The following ZNF236 variants were observed in gnomAD, a reference collection of about 807,000 sequenced individuals.
The protein encoded by ZNF236 is regulated by glucose.
ZNF236 carries 50 observed loss-of-function variants against 191.2 expected under a neutral mutation model. That is an observed-to-expected ratio of 0.26 (90% CI 0.21 to 0.33). ZNF236 has a LOEUF of 0.33. ZNF236 is among the 10% of genes least tolerant of loss of function. The probability of loss-of-function intolerance (pLI) is 1.00; values close to 1 mark genes in which losing one functional copy is unlikely to be tolerated. For synonymous variants in ZNF236, 907 were observed against 928.8 expected (o/e 0.98, Z 0.43); for missense variants, 1,754 against 2,374.5 (o/e 0.74, Z 5.43).
intron 9 of ZNF236, among the ~76,000 whole-genome samples, chr18:76,892,235 C>G (rs1977268936): frequency 1.6e-5 from 1 of 63,526 alleles, no homozygotes; most frequent in African/African-American, 6.1e-5. Context: ...ACTTGGGTAT[C>G]TTTCTGAGTT....
At chr18:76,918,820 G>T (rs1048003538) in intron 19 of ZNF236, among the ~76,000 whole-genome samples, 1 of 152,124 alleles carries the variant, frequency 6.6e-6, no homozygotes, top group Non-Finnish European at 1.5e-5. Flanking sequence ...TTCCCAAAGC[G>T]GTGGGATTAC....
In ZNF236 at chr18:76,934,393, C is replaced by T. The variant is rs541529734; in HGVS notation, c.4595-2763C>T. On this transcript the variant is annotated intron_variant, in intron 25 of 30. Transcript: ENST00000320610. ...TGTAAGTACTGTCTCAGAAGCAGAT[C>T]GTAGTCTTGATAGAGGCTTGAGAAA... Among the ~76,000 whole-genome samples, 26 of 152,292 alleles carry T rather than the reference C, an allele frequency of 1.7e-4. No homozygotes were observed. The South Asian group carries it at 3.7e-3, about 22-fold the overall frequency.
intron 26 of ZNF236, among the ~76,000 whole-genome samples, chr18:76,938,961 C>G (rs531547342): frequency 1.3e-5 from 2 of 152,180 alleles, no homozygotes; most frequent in Non-Finnish European, 2.9e-5. Flanking sequence ...CCTGCCCTTA[C>G]GCACCATCAA....
chr18:76,939,972 G>A (rs1396026098), intron 26 of ZNF236, among the ~76,000 whole-genome samples: 4 of 145,808 alleles, frequency 2.7e-5, no homozygotes, highest in Non-Finnish European at 6.0e-5. Context: ...CCCTAGCACT[G>A]CATTTGGGAA....
At chr18:76,945,039 A>G (rs1968223407) in intron 26 of ZNF236, among the ~76,000 whole-genome samples, 1 of 144,122 alleles carries the variant, frequency 6.9e-6, no homozygotes, top group South Asian at 2.2e-4. Flanking sequence ...GAATATTTCC[A>G]TCATCTCAAG....
chr18:76,924,290 C>A (rs769654357), intron 21 of ZNF236, among the ~76,000 whole-genome samples: 2 of 152,224 alleles, frequency 1.3e-5, no homozygotes, highest in African/African-American at 4.8e-5. Flanking sequence ...GTGACGTCCA[C>A]GATGACTTGG....
intron 1 of ZNF236, among the ~76,000 whole-genome samples, chr18:76,829,883 C>G (rs1049569181): frequency 6.6e-6 from 1 of 151,974 alleles, no homozygotes; most frequent in African/African-American, 2.4e-5. Flanking sequence ...TTTGCTTTTT[C>G]TTTTTTGAGA....
chr18:76,955,160 C>T (rs1410026828), intron 27 of ZNF236, among the ~76,000 whole-genome samples: 1 of 152,148 alleles, frequency 6.6e-6, no homozygotes, highest in Non-Finnish European at 1.5e-5. Context: ...GTAATCCCAG[C>T]ACTTGGGAGA....
chr18:76,938,119 G>T (rs984846161), intron 26 of ZNF236, among the ~76,000 whole-genome samples: 2 of 152,208 alleles, frequency 1.3e-5, no homozygotes. Flanking sequence ...CTGGACACAG[G>T]TGGCTCCTGC....
Position 76,875,664 on chromosome 18 carries a change from G to A in ZNF236, c.840G>A (p.Glu280=). Residue 280 remains glutamate, a splice_region_variant and synonymous_variant, in exon 6 of 31, where the codon GAG becomes GAA. Transcript: ENST00000320610. The surrounding 1 kb of genome is among the most constrained non-coding windows in gnomAD (Gnocchi z 4.3). ...LQSHVQRVHS[E]VKNGPTYNCT... ...CGCACGTGCAGCGAGTCCACTCAGA[G>A]GTAAACACGGGTTGGGGGCATAAGC... The A allele has an allele frequency of 6.4e-7, 1 of 1,562,858 alleles. No homozygotes were observed. The highest frequency in any genetic ancestry group is 8.7e-7 in the Non-Finnish European group (1 of 1,149,008).
intron 27 of ZNF236, among the ~76,000 whole-genome samples, chr18:76,950,772 A>C (rs1968386661): frequency 6.6e-6 from 1 of 152,200 alleles, no homozygotes; most frequent in Non-Finnish European, 1.5e-5. Flanking sequence ...ACAGATTTTC[A>C]CTTTACTTTG....
Position 76,927,655 on chromosome 18 carries a change from A to AGTAT in ZNF236, c.4414+138_4414+139insGTAT. The AGTAT allele has an allele frequency of 8.3e-7, 1 of 1,210,454 alleles. No homozygotes were observed. The allele number at this position is 1,210,454 out of a possible 1,614,324, so 75.0% of individuals were successfully genotyped here. On this transcript the variant is annotated intron_variant, in intron 24 of 30. Coordinates refer to ENST00000320610, the MANE Select transcript of ZNF236 (RefSeq NM_001306089.2). The surrounding 1 kb of genome is among the most constrained non-coding windows in gnomAD (Gnocchi z 5.4). ...AGAATAAATCAAATGTCCTGAGAAT[A>AGTAT]AAATAAGCTTTTCTTACAATTAATG...
intron 1 of ZNF236, chr18:76,849,114 T>G (rs550094158): frequency 6.4e-6 from 1 of 155,122 alleles, no homozygotes; most frequent in African/African-American, 2.4e-5. Context: ...AGAAACAATG[T>G]GGATTATTGA....
intron 3 of ZNF236, among the ~76,000 whole-genome samples, chr18:76,857,805 T>C (rs1976088485): frequency 6.6e-6 from 1 of 152,208 alleles, no homozygotes; most frequent in South Asian, 2.1e-4. Context: ...TAATGTGAAA[T>C]TTAGAATTTT....
rs186696142 is a variant in ZNF236, at chr18:76,902,571, C to G, written c.1895-1809C>G. On this transcript the variant is annotated intron_variant, in intron 11 of 30. Coordinates refer to ENST00000320610, the MANE Select transcript of ZNF236 (RefSeq NM_001306089.2). Reference sequence around the variant, plus strand: ...GGACTGGATGCCTGCATTTTTCTTTCTTTTTTCTTTCCTTTCTTGAGACAG... The same window carrying G: ...GGACTGGATGCCTGCATTTTTCTTTGTTTTTTCTTTCCTTTCTTGAGACAG... 2.4e-3 allele frequency among the ~76,000 whole-genome samples: 359 copies of G among 151,708 alleles called. 1 individual carries two copies. The highest frequency in any genetic ancestry group is 8.0e-3 in the African/African-American group (332 of 41,410).
intron 1 of ZNF236, among the ~76,000 whole-genome samples, chr18:76,823,322 A>G (rs777392765): frequency 2.0e-5 from 3 of 151,514 alleles, no homozygotes; most frequent in Non-Finnish European, 4.4e-5. Context: ...TGATCCGGGA[A>G]CTTGAACCCT....
intron 26 of ZNF236, among the ~76,000 whole-genome samples, chr18:76,942,915 A>C (rs956927238): frequency 3.4e-5 from 5 of 149,244 alleles, no homozygotes; most frequent in African/African-American, 1.2e-4. Flanking sequence ...CGAGGTCAGG[A>C]GATCCAGACC....
chr18:76,926,366 G>A (rs1414994726), intron 22 of ZNF236, among the ~76,000 whole-genome samples: 4 of 152,120 alleles, frequency 2.6e-5, no homozygotes, highest in Admixed American at 2.6e-4. Flanking sequence ...TATGCGTATG[G>A]CATAAAGGAG....
At chr18:76,916,110 CTG>C (rs1480823790) in intron 19 of ZNF236, among the ~76,000 whole-genome samples, 2 of 152,238 alleles carry the variant, frequency 1.3e-5, no homozygotes, top group African/African-American at 2.4e-5. Flanking sequence ...CACTCTCACA[CTG>C]TGTTCTTCCT....
Sources: allele counts gnomAD v4.1 joint callset (sites outside exome capture counted in the v4.1 genomes callset), GRCh38; gene constraint gnomAD v4.1.1; non-coding constraint Gnocchi (gnomAD v3.1); transcripts MANE v1.5; gene names NCBI Gene and HGNC (gene_info 2026-07-23, HGNC 2026-07-21).